The following CDH13 variants were observed in gnomAD, a reference collection of about 807,000 sequenced individuals.
CDH13 encodes the protein cadherin-13.
A neutral mutation model predicts 63.8 loss-of-function variants in CDH13; 24 were observed. That is an observed-to-expected ratio of 0.38 (90% CI 0.27 to 0.53). CDH13 has a LOEUF of 0.53. Ranked by LOEUF, CDH13 falls within the 20% of genes least tolerant of loss-of-function variation. The pLI is 0.85. For missense variants in CDH13, 1,049 were observed against 903.1 expected (o/e 1.16, Z -2.07); for synonymous variants, 503 against 355.3 (o/e 1.42, Z -4.67).
chr16:83,206,553 C>T (rs541172346), intron 4 of CDH13, among the ~76,000 whole-genome samples: 1 of 152,360 alleles, frequency 6.6e-6, no homozygotes, highest in African/African-American at 2.4e-5. Flanking sequence ...TGTCGAGATA[C>T]ATTCATTCAC....
intron 5 of CDH13, among the ~76,000 whole-genome samples, chr16:83,232,502 G>C (rs781196852): frequency 2.0e-5 from 3 of 149,530 alleles, no homozygotes; most frequent in Non-Finnish European, 4.4e-5. Flanking sequence ...CTCCAGCCTG[G>C]GCAACAGCAG....
chr16:83,125,836 G>T (rs183071248), intron 4 of CDH13, among the ~76,000 whole-genome samples: 4 of 152,264 alleles, frequency 2.6e-5, no homozygotes, highest in Non-Finnish European at 5.9e-5. Flanking sequence ...TAGGATGGTA[G>T]TATGTTGACA....
At chr16:83,599,250 G>A (rs1342507031) in intron 7 of CDH13, among the ~76,000 whole-genome samples, 1 of 152,214 alleles carries the variant, frequency 6.6e-6, no homozygotes, top group Non-Finnish European at 1.5e-5. Flanking sequence ...TGAATGCTAT[G>A]AGAACTTTAT....
At position 82,770,240 on chromosome 16, in the gene CDH13, T is replaced by C. The variant is rs542250405; in HGVS notation, c.46-88122T>C. On this transcript the variant is annotated intron_variant, in intron 1 of 13. Transcript: ENST00000567109. ...TAATGTTTTCCCTTGCTTTCCTTAATATTTCCTTTGTGTGAGTGTGTGTTT... is the reference window on the plus strand; with the variant it reads ...TAATGTTTTCCCTTGCTTTCCTTAACATTTCCTTTGTGTGAGTGTGTGTTT... Among the ~76,000 whole-genome samples the C allele has an allele frequency of 1.6e-4, 24 of 152,386 alleles. 1 individual carries two copies. The South Asian group carries it at 4.1e-3, about 26-fold the overall frequency.
At chr16:83,035,472 T>C (rs898209793) in intron 3 of CDH13, among the ~76,000 whole-genome samples, 6 of 152,228 alleles carry the variant, frequency 3.9e-5, no homozygotes, top group African/African-American at 1.4e-4. Flanking sequence ...TGGAGGCAGA[T>C]GCTACTGTGT....
At chr16:83,460,959 G>A (rs914001815) in intron 6 of CDH13, among the ~76,000 whole-genome samples, 2 of 149,368 alleles carry the variant, frequency 1.3e-5, no homozygotes, top group African/African-American at 5.0e-5. Context: ...CAGCCTGGGT[G>A]ACAGAATTAG....
intron 5 of CDH13, among the ~76,000 whole-genome samples, chr16:83,311,243 T>C (rs920117850): frequency 2.0e-5 from 3 of 152,180 alleles, no homozygotes; most frequent in Non-Finnish European, 2.9e-5. Context: ...CATGACCTCC[T>C]TTGGGGCTTG....
At chr16:83,030,709 C>T (rs1050160072) in intron 2 of CDH13, among the ~76,000 whole-genome samples, 2 of 150,438 alleles carry the variant, frequency 1.3e-5, no homozygotes, top group Admixed American at 1.3e-4. Context: ...AGAAGCACTC[C>T]TCTTCACTGG....
At position 83,063,522 on chromosome 16, in the gene CDH13, T is replaced by G. The variant is rs182603791; in HGVS notation, c.366+31304T>G. 2.0e-5 allele frequency among the ~76,000 whole-genome samples: 3 copies of G among 152,298 alleles called. No individual in the cohort carries two copies. The East Asian group carries it at 5.8e-4, about 29-fold the overall frequency. On this transcript the variant is annotated intron_variant, in intron 3 of 13. Coordinates refer to ENST00000567109, the MANE Select transcript of CDH13 (RefSeq NM_001257.5). Reference sequence around the variant, plus strand: ...TGTTATGATAAACCCAGCCTAAGGTTATAGCAATAGAGATGGACAGAGATG... The same window carrying G: ...TGTTATGATAAACCCAGCCTAAGGTGATAGCAATAGAGATGGACAGAGATG...
chr16:83,123,451 G>A (rs894826291), intron 3 of CDH13, among the ~76,000 whole-genome samples: 10 of 151,810 alleles, frequency 6.6e-5, no homozygotes, highest in African/African-American at 2.2e-4. Context: ...GGCTAATTTT[G>A]TATTTTTAGT....
rs151254873 is a variant in CDH13 at position 82,810,003 on chromosome 16, C to T, written c.46-48359C>T. ...TATGCCCATCTATTAAGGGCAATGT[C>T]CCTCATGGAGGAAGCCTGCCATCGC... On this transcript the variant is annotated intron_variant, in intron 1 of 13. Coordinates refer to ENST00000567109, the MANE Select transcript of CDH13 (RefSeq NM_001257.5). Among the ~76,000 whole-genome samples, 556 of 152,300 alleles carry T rather than the reference C, an allele frequency of 3.7e-3. 3 individuals are homozygous for T. The highest frequency in any genetic ancestry group is 0.012 in the African/African-American group (519 of 41,562).
chr16:83,160,211 T>G (rs952955151), intron 4 of CDH13, among the ~76,000 whole-genome samples: 1 of 152,166 alleles, frequency 6.6e-6, no homozygotes, highest in Non-Finnish European at 1.5e-5. Context: ...TGTGTCAATG[T>G]AGGTTCAATG....
Position 82,807,669 on chromosome 16 carries a change from T to C in CDH13, c.46-50693T>C, listed in dbSNP as rs143173875. ...GATAATAACCCTTAAGCTAAAGCCT[T>C]TATGAGTTGGAAGAAGAGAAAATGT... On this transcript the variant is annotated intron_variant, in intron 1 of 13. Transcript: ENST00000567109. Among the ~76,000 whole-genome samples, 979 of 152,268 alleles carry C rather than the reference T, an allele frequency of 6.4e-3. 6 individuals carry two copies. Among genetic ancestry groups the C allele is most frequent in the Middle Eastern group, 0.02 (6 of 294 alleles).
chr16:83,231,034 G>C (rs145514539), intron 5 of CDH13, among the ~76,000 whole-genome samples: 1 of 152,218 alleles, frequency 6.6e-6, no homozygotes, highest in Non-Finnish European at 1.5e-5. Flanking sequence ...TCTGACCTTC[G>C]CCCAGCTCTC....
chr16:83,579,103 G>T (rs942013162), intron 7 of CDH13, among the ~76,000 whole-genome samples: 1 of 152,322 alleles, frequency 6.6e-6, no homozygotes, highest in Middle Eastern at 3.4e-3. Context: ...AGAGAAAGTT[G>T]TCATTTGTCC....
chr16:83,241,052 A>C (rs1904395974), intron 5 of CDH13, among the ~76,000 whole-genome samples: 1 of 152,160 alleles, frequency 6.6e-6, no homozygotes, highest in Admixed American at 6.5e-5. Context: ...TGACTGCTTT[A>C]GATACTTTGA....
intron 4 of CDH13, chr16:83,180,778 A>G (rs2038320307): frequency 5.8e-6 from 5 of 862,134 alleles, no homozygotes; most frequent in Non-Finnish European, 9.1e-6. Context: ...CAAACAAACA[A>G]AGGCTGCTTA....
chr16:83,191,353 C>G (rs538593637), intron 4 of CDH13, among the ~76,000 whole-genome samples: 11 of 147,210 alleles, frequency 7.5e-5, no homozygotes, highest in South Asian at 4.5e-4. Flanking sequence ...CTCAGTTTCC[C>G]AATCTGTAAA....
At chr16:83,737,153 CA>C in intron 10 of CDH13, among the ~76,000 whole-genome samples, 1 of 152,312 alleles carries the variant, frequency 6.6e-6, no homozygotes, top group East Asian at 1.9e-4. Flanking sequence ...GCTGTGGCCC[CA>C]CCCCTTTCCT....
Sources: allele counts gnomAD v4.1 joint callset (sites outside exome capture counted in the v4.1 genomes callset), GRCh38; gene constraint gnomAD v4.1.1; transcripts MANE v1.5; gene names NCBI Gene and HGNC (gene_info 2026-07-23, HGNC 2026-07-21).